STAP1: variants seen among roughly 807,000 people sequenced by gnomAD.
STAP1 encodes the protein signal-transducing adaptor protein 1.
STAP1 carries 30 observed loss-of-function variants against 37.8 expected under a neutral mutation model. The observed-to-expected ratio is 0.79, with a 90% confidence interval of 0.59 to 1.08. STAP1 has a LOEUF of 1.08. STAP1 is among the 50% of genes least tolerant of loss of function. The pLI is 0.00. For missense variants in STAP1, 357 were observed against 349.4 expected (o/e 1.02, Z -0.17); for synonymous variants, 130 against 116.0 (o/e 1.12, Z -0.78).
intron 5 of STAP1, among the ~76,000 whole-genome samples, 159 bp from the exon 6 acceptor site, chr4:67,583,415 T>A (rs1727908202): frequency 6.6e-6 from 1 of 152,224 alleles, no homozygotes; most frequent in Non-Finnish European, 1.5e-5. Context: ...AGGCTTGTAA[T>A]AATAGAGCAT....
intron 8 of STAP1, among the ~76,000 whole-genome samples, chr4:67,599,980 T>C (rs1728306195): frequency 6.6e-6 from 1 of 152,162 alleles, no homozygotes; most frequent in Non-Finnish European, 1.5e-5. Context: ...TAATCTTTTG[T>C]ATTTTTTTAA....
At position 67,596,604 on chromosome 4, in the gene STAP1, G is replaced by A. The variant is rs568803382; in HGVS notation, c.826+3248G>A. Among the ~76,000 whole-genome samples the A allele has an allele frequency of 2.4e-4, 37 of 152,332 alleles. 1 individual carries two copies. Among genetic ancestry groups the A allele is most frequent in the Admixed American group, 1.8e-3 (28 of 15,296 alleles). On this transcript the variant is annotated intron_variant, in intron 8 of 8. Coordinates refer to ENST00000265404, the MANE Select transcript of STAP1 (RefSeq NM_012108.4). Reference sequence around the variant, plus strand: ...TAGAGATATGGACAATGAAGTCCAGGCTAGGTGGTCTCCAATAGAGATGAG... The same window carrying A: ...TAGAGATATGGACAATGAAGTCCAGACTAGGTGGTCTCCAATAGAGATGAG...
rs978212632 is a variant in STAP1 at position 67,603,028 on chromosome 4, G to C, written c.827-3268G>C. On this transcript the variant is annotated intron_variant, in intron 8 of 8. Coordinates refer to ENST00000265404, the MANE Select transcript of STAP1 (RefSeq NM_012108.4). The stretch of plus-strand genomic sequence containing the variant: ...CAAGAAATGCCATCCAGGAGCCAGG[G>C]CCTGGAGTTAGGAACCTCAGCAATC... Among the ~76,000 whole-genome samples the C allele has an allele frequency of 2.0e-5, 3 of 152,256 alleles. No homozygotes were observed. In the East Asian group the frequency reaches 5.8e-4, roughly 29 times the overall value.
chr4:67,585,603 G>T (rs1485573431), intron 6 of STAP1, among the ~76,000 whole-genome samples: 1 of 152,074 alleles, frequency 6.6e-6, no homozygotes, highest in Non-Finnish European at 1.5e-5. Context: ...TAAACTTGTG[G>T]TTTCATTATT....
At position 67,558,774 on chromosome 4, in the gene STAP1, A is replaced by G; in HGVS notation, c.-36A>G. ...CAGAAGGAAGATTTCATTTTGTTTGAGACGAGAAACCAAACCACACACCAA... is the reference window on the plus strand; with the variant it reads ...CAGAAGGAAGATTTCATTTTGTTTGGGACGAGAAACCAAACCACACACCAA... On this transcript the variant is annotated 5_prime_UTR_variant, in exon 1 of 9. Transcript: ENST00000265404. 6.3e-7 allele frequency: 1 copy of G among 1,587,380 alleles called. No individual in the cohort carries two copies. The highest frequency in any genetic ancestry group is 8.5e-7 in the Non-Finnish European group (1 of 1,170,844).
At chr4:67,568,291 A>T (rs1727517999) in intron 1 of STAP1, among the ~76,000 whole-genome samples, 2 of 152,216 alleles carry the variant, frequency 1.3e-5, no homozygotes, top group Non-Finnish European at 2.9e-5. Context: ...AACCCTTTAT[A>T]TAACTTTCTT....
chr4:67,569,973 C>T (rs993777571), intron 1 of STAP1, among the ~76,000 whole-genome samples: 10 of 152,106 alleles, frequency 6.6e-5, no homozygotes, highest in African/African-American at 1.9e-4. Flanking sequence ...TCAAGGGAGT[C>T]GCCCACCTCA....
chr4:67,593,134 TG>T, intron 7 of STAP1, 125 bp from the exon 8 acceptor site: 1 of 606,798 alleles, frequency 1.6e-6, no homozygotes. Context: ...GGTAAAACTA[TG>T]GTCATACAGT....
chr4:67,591,133 T>C (rs1005163383), intron 7 of STAP1, among the ~76,000 whole-genome samples, 180 bp downstream of exon 7: 3 of 152,208 alleles, frequency 2.0e-5, no homozygotes, highest in African/African-American at 7.2e-5. Flanking sequence ...TAAAAATTCT[T>C]TCCACTTTTC....
intron 1 of STAP1, among the ~76,000 whole-genome samples, chr4:67,568,359 C>T (rs537328030): frequency 6.6e-6 from 1 of 152,028 alleles, no homozygotes; most frequent in South Asian, 2.1e-4. Flanking sequence ...GCTTATCAAA[C>T]CATAAAGGAA....
At chr4:67,570,694 AAGAAAGAAAGAAAG>A (rs930794167) in intron 1 of STAP1, among the ~76,000 whole-genome samples, 11 of 100,988 alleles carry the variant, frequency 1.1e-4, no homozygotes, top group Non-Finnish European at 2.4e-4. Context: ...GAGAGAAGGA[AAGAAAGAAAGAAAG>A]AGAAAGGAAG....
intron 2 of STAP1, among the ~76,000 whole-genome samples, chr4:67,574,909 T>C (rs184819950): frequency 9.2e-5 from 14 of 152,266 alleles, no homozygotes; most frequent in Admixed American, 4.6e-4. Flanking sequence ...GTGGCTGATT[T>C]CAACCTAACA....
intron 8 of STAP1, among the ~76,000 whole-genome samples, chr4:67,601,463 G>A (rs560871178): frequency 6.0e-4 from 92 of 152,226 alleles, no homozygotes; most frequent in African/African-American, 2.1e-3. Flanking sequence ...AAAGAGATAA[G>A]ATGACTTCTT....
At chr4:67,559,763 A>T (rs895685778) in intron 1 of STAP1, among the ~76,000 whole-genome samples, 1 of 152,102 alleles carries the variant, frequency 6.6e-6, no homozygotes, top group African/African-American at 2.4e-5. Context: ...GTTTTCAGAA[A>T]TTCCATCAGA....
At chr4:67,586,943 T>C (rs1206867857) in intron 6 of STAP1, among the ~76,000 whole-genome samples, 3 of 152,234 alleles carry the variant, frequency 2.0e-5, no homozygotes, top group African/African-American at 7.2e-5. Flanking sequence ...TGAGAAATAG[T>C]TCATACCTGG....
chr4:67,577,684 A>G (rs1484502845), intron 4 of STAP1, among the ~76,000 whole-genome samples: 1 of 130,956 alleles, frequency 7.6e-6, no homozygotes, highest in Non-Finnish European at 1.6e-5. Context: ...AGGTCTCACT[A>G]TGTCACCCAG....
intron 8 of STAP1, among the ~76,000 whole-genome samples, chr4:67,599,311 G>A (rs1025352649): frequency 6.6e-6 from 1 of 152,190 alleles, no homozygotes; most frequent in Admixed American, 6.5e-5. Flanking sequence ...ACATTTGATA[G>A]AATTCAGCAG....
chr4:67,587,781 C>T (rs9993018), intron 6 of STAP1, among the ~76,000 whole-genome samples: 110,579 of 145,878 alleles, frequency 0.76, 44,142 homozygotes, highest in Non-Finnish European at 0.9. Context: ...AGTTCAATGG[C>T]GCGATCTCAG....
chr4:67,560,641 T>TGGGG (rs35235095), intron 1 of STAP1, among the ~76,000 whole-genome samples: 169 of 114,160 alleles, frequency 1.5e-3, no homozygotes, highest in African/African-American at 4.4e-3. Flanking sequence ...TTTGTGTGTG[T>TGGGG]GGGTGTGTGT....
Sources: allele counts gnomAD v4.1 joint callset (sites outside exome capture counted in the v4.1 genomes callset), GRCh38; gene constraint gnomAD v4.1.1; transcripts MANE v1.5; gene names NCBI Gene and HGNC (gene_info 2026-07-23, HGNC 2026-07-21).